The following HACD2 variants were observed in gnomAD, a reference collection of about 807,000 sequenced individuals.
HACD2 encodes the protein very-long-chain (3R)-3-hydroxyacyl-CoA dehydratase 2.
Under a neutral mutation model 31.0 loss-of-function variants are expected in HACD2, and 15 were observed. The ratio of observed to expected loss-of-function variants is 0.48; its 90% CI spans 0.32 to 0.75. The LOEUF (loss-of-function observed/expected upper bound fraction) is 0.75. Ranked by LOEUF, HACD2 falls within the 30% of genes least tolerant of loss-of-function variation. The pLI is 0.03. For synonymous variants in HACD2, 115 were observed against 122.2 expected, an observed-to-expected ratio of 0.94 and a Z score of 0.39; for missense variants, 283 against 313.0, an observed-to-expected ratio of 0.90 and a Z score of 0.72.
At chr3:123,522,662 CTTT>C (rs4048459) in intron 4 of HACD2, among the ~76,000 whole-genome samples, 2 of 146,246 alleles carry the variant, frequency 1.4e-5, no homozygotes, top group Non-Finnish European at 1.5e-5. Context: ...AATAAGGAGA[CTTT>C]TTTTTTTTTT....
chr3:123,581,875 T>G (rs1166858870), intron 2 of HACD2, among the ~76,000 whole-genome samples: 2 of 152,188 alleles, frequency 1.3e-5, no homozygotes, highest in Non-Finnish European at 2.9e-5. Context: ...CCCACCAACT[T>G]CACTATTTCT....
At chr3:123,566,369 C>G (rs2056792282) in intron 3 of HACD2, among the ~76,000 whole-genome samples, 2 of 152,008 alleles carry the variant, frequency 1.3e-5, no homozygotes, top group African/African-American at 4.8e-5. Context: ...ACTGAAGCCT[C>G]AACCTCCTGG....
intron 2 of HACD2, among the ~76,000 whole-genome samples, chr3:123,578,996 TTTGCAACGTTAA>T (rs2056936637): frequency 1.3e-5 from 2 of 152,222 alleles, no homozygotes; most frequent in Admixed American, 1.3e-4. Context: ...ATCACTGACC[TTTGCAACGTTAA>T]TTGCCTGCAT....
chr3:123,552,762 C>T (rs1353880152), intron 3 of HACD2, among the ~76,000 whole-genome samples: 4 of 150,538 alleles, frequency 2.7e-5, no homozygotes, highest in Non-Finnish European at 1.5e-5. Flanking sequence ...CAGAACTGAA[C>T]AAAAAATTGA....
intron 4 of HACD2, among the ~76,000 whole-genome samples, chr3:123,503,774 G>C (rs537432429): frequency 4.7e-5 from 7 of 147,624 alleles, no homozygotes; most frequent in African/African-American, 5.0e-5. Flanking sequence ...CCCATAAACC[G>C]AACAAATCTT....
intron 4 of HACD2, among the ~76,000 whole-genome samples, chr3:123,514,564 A>G (rs1188552286): frequency 1.3e-5 from 2 of 152,220 alleles, no homozygotes; most frequent in African/African-American, 2.4e-5. Context: ...TTTTATAACC[A>G]TAAAGACATA....
chr3:123,501,483 C>T (rs190836533), intron 5 of HACD2, among the ~76,000 whole-genome samples: 4 of 152,284 alleles, frequency 2.6e-5, no homozygotes, highest in African/African-American at 4.8e-5. Flanking sequence ...CAATGTGCAA[C>T]GGACTACAAA....
At chr3:123,569,572 G>T (rs2056830522) in intron 2 of HACD2, among the ~76,000 whole-genome samples, 1 of 152,104 alleles carries the variant, frequency 6.6e-6, no homozygotes, top group Admixed American at 6.5e-5. Flanking sequence ...ATGTTGCCCA[G>T]GCTAGTCTTG....
At chr3:123,548,212 G>A (rs1314111954) in intron 3 of HACD2, among the ~76,000 whole-genome samples, 1 of 151,990 alleles carries the variant, frequency 6.6e-6, no homozygotes, top group African/African-American at 2.4e-5. Flanking sequence ...ACAAGCAGAA[G>A]TAATGGTATG....
intron 2 of HACD2, among the ~76,000 whole-genome samples, chr3:123,577,382 G>A (rs981318329): frequency 1.3e-5 from 2 of 152,088 alleles, no homozygotes; most frequent in Non-Finnish European, 2.9e-5. Context: ...AGCAATTTGG[G>A]AGGCCGAGGC....
At chr3:123,544,486 A>G (rs933252583) in intron 3 of HACD2, among the ~76,000 whole-genome samples, 1 of 152,200 alleles carries the variant, frequency 6.6e-6, no homozygotes, top group African/African-American at 2.4e-5. Context: ...CCCAAAATAA[A>G]TAAATGGCCT....
intron 2 of HACD2, among the ~76,000 whole-genome samples, chr3:123,572,349 A>T (rs2056863939): frequency 6.6e-6 from 1 of 152,130 alleles, no homozygotes; most frequent in African/African-American, 2.4e-5. Flanking sequence ...TCTACAAAAA[A>T]TTTTAAAAAC....
At chr3:123,520,174 C>T (rs1222990922) in intron 4 of HACD2, among the ~76,000 whole-genome samples, 1 of 152,116 alleles carries the variant, frequency 6.6e-6, no homozygotes, top group Non-Finnish European at 1.5e-5. Flanking sequence ...AACATCATTT[C>T]CCACACCTGC....
chr3:123,553,885 G>A (rs2056645456), intron 3 of HACD2, among the ~76,000 whole-genome samples: 1 of 151,666 alleles, frequency 6.6e-6, no homozygotes, highest in South Asian at 2.1e-4. Flanking sequence ...TTGTGAGTAA[G>A]GTGACATCTC....
At chr3:123,531,550 C>G (rs1268815670) in intron 3 of HACD2, among the ~76,000 whole-genome samples, 1 of 151,994 alleles carries the variant, frequency 6.6e-6, no homozygotes, top group Non-Finnish European at 1.5e-5. Context: ...GTCATCCACC[C>G]GCTGCCTCGG....
chr3:123,563,056 T>C (rs770860871), intron 3 of HACD2, among the ~76,000 whole-genome samples: 20 of 152,206 alleles, frequency 1.3e-4, no homozygotes, highest in Non-Finnish European at 2.6e-4. Flanking sequence ...GATCAAATAT[T>C]CACCAAACTC....
intron 3 of HACD2, among the ~76,000 whole-genome samples, chr3:123,550,339 A>G (rs370209951): frequency 6.6e-6 from 1 of 152,316 alleles, no homozygotes. Context: ...AGAAGGAACC[A>G]CTAGAGAAGC....
intron 3 of HACD2, among the ~76,000 whole-genome samples, chr3:123,566,472 T>TG (rs1432631458): frequency 2.6e-5 from 4 of 151,820 alleles, no homozygotes; most frequent in South Asian, 2.1e-4. Flanking sequence ...TTTGTAGAGA[T>TG]GGGGTCTCCC....
At chr3:123,572,963 G>A (rs1665437684) in intron 2 of HACD2, among the ~76,000 whole-genome samples, 1 of 152,108 alleles carries the variant, frequency 6.6e-6, no homozygotes, top group Non-Finnish European at 1.5e-5. Context: ...AGCCAGCTAT[G>A]GCCTAAGATG....
Sources: gnomAD v4.1 joint callset for allele counts (sites outside exome capture counted in the v4.1 genomes callset) on GRCh38, gnomAD v4.1.1 for gene constraint, MANE v1.5 for transcripts, NCBI Gene and HGNC (gene_info 2026-07-23, HGNC 2026-07-21) for gene names.